KLHL1: variants seen among roughly 807,000 people sequenced by gnomAD.
The protein encoded by KLHL1 is kelch-like protein 1.
KLHL1 carries 47 observed loss-of-function variants against 77.7 expected under a neutral mutation model. The ratio of observed to expected loss-of-function variants is 0.60; its 90% CI spans 0.48 to 0.77. KLHL1 has a LOEUF of 0.77. KLHL1 is among the 30% of genes least tolerant of loss of function. The pLI is 0.00. For synonymous variants in KLHL1, 360 were observed against 325.2 expected, an observed-to-expected ratio of 1.11 and a Z score of -1.15; for missense variants, 925 against 910.8, an observed-to-expected ratio of 1.02 and a Z score of -0.20.
chr13:69,876,040 T>C (rs531600342), intron 5 of KLHL1, among the ~76,000 whole-genome samples: 1 of 152,294 alleles, frequency 6.6e-6, no homozygotes, highest in African/African-American at 2.4e-5. Context: ...CCTTACTCAT[T>C]TGTAAGAAAA....
chr13:69,862,987 ATGT>A (rs1170438074), intron 5 of KLHL1, among the ~76,000 whole-genome samples: 1 of 152,122 alleles, frequency 6.6e-6, no homozygotes, highest in Admixed American at 6.6e-5. Flanking sequence ...AGCAAAAAGT[ATGT>A]TTTTATGTTA....
intron 5 of KLHL1, among the ~76,000 whole-genome samples, chr13:69,851,718 T>C (rs1205226272): frequency 6.6e-6 from 1 of 151,776 alleles, no homozygotes; most frequent in Non-Finnish European, 1.5e-5. Context: ...CCCTGTTCTC[T>C]ATTATAGACC....
intron 1 of KLHL1, 69 bp downstream of exon 1, chr13:70,107,134 C>T: frequency 1.3e-6 from 2 of 1,521,580 alleles, no homozygotes; most frequent in African/African-American, 1.4e-5. Context: ...TTAGTAGCCA[C>T]ATGAGCACAC....
intron 1 of KLHL1, among the ~76,000 whole-genome samples, chr13:70,028,332 C>T (rs1469566729): frequency 6.6e-6 from 1 of 152,102 alleles, no homozygotes; most frequent in Non-Finnish European, 1.5e-5. Context: ...AATATGAAAG[C>T]ACTTATAATT....
chr13:69,848,412 T>A (rs996717162), intron 5 of KLHL1, among the ~76,000 whole-genome samples: 3 of 151,476 alleles, frequency 2.0e-5, no homozygotes, highest in African/African-American at 7.3e-5. Flanking sequence ...GAGTAGATAG[T>A]TCCTCCTCTT....
intron 6 of KLHL1, among the ~76,000 whole-genome samples, chr13:69,797,504 G>A (rs1282362369): frequency 6.6e-6 from 1 of 152,044 alleles, no homozygotes; most frequent in Non-Finnish European, 1.5e-5. Context: ...TTTTAAACCA[G>A]CTTTTAAAAA....
At chr13:69,874,853 G>A (rs1593908480) in intron 5 of KLHL1, among the ~76,000 whole-genome samples, 3 of 152,006 alleles carry the variant, frequency 2.0e-5, no homozygotes, top group Admixed American at 1.3e-4. Context: ...AATGATGTAG[G>A]GCTTTGTAGG....
chr13:69,964,597 A>T (rs1458253654), intron 2 of KLHL1, among the ~76,000 whole-genome samples: 1 of 152,100 alleles, frequency 6.6e-6, no homozygotes, highest in East Asian at 1.9e-4. Flanking sequence ...TCTCTGATAC[A>T]TTCTAGGACT....
chr13:70,068,079 C>T (rs1887052478), intron 1 of KLHL1, among the ~76,000 whole-genome samples: 1 of 151,018 alleles, frequency 6.6e-6, no homozygotes, highest in South Asian at 2.1e-4. Flanking sequence ...CAGTTGCTCA[C>T]GCCTGTAATC....
At chr13:69,773,078 C>A (rs1193112840) in intron 7 of KLHL1, among the ~76,000 whole-genome samples, 1 of 151,930 alleles carries the variant, frequency 6.6e-6, no homozygotes, top group Non-Finnish European at 1.5e-5. Flanking sequence ...AAAAATAAAA[C>A]CCTAAGGTTT....
intron 6 of KLHL1, among the ~76,000 whole-genome samples, chr13:69,825,990 A>C (rs945236670): frequency 9.3e-3 from 5 of 540 alleles, no homozygotes; most frequent in African/African-American, 0.011. Flanking sequence ...TTACTTACAG[A>C]AAAAAAAAGA....
intron 6 of KLHL1, among the ~76,000 whole-genome samples, chr13:69,820,354 C>T (rs1878285207): frequency 6.6e-6 from 1 of 152,062 alleles, no homozygotes; most frequent in Non-Finnish European, 1.5e-5. Context: ...CTCTTCAGTC[C>T]ACAAGTCATT....
At chr13:70,037,342 C>T (rs1023364532) in intron 1 of KLHL1, among the ~76,000 whole-genome samples, 4 of 152,008 alleles carry the variant, frequency 2.6e-5, no homozygotes, top group Non-Finnish European at 5.9e-5. Context: ...TCTATAAGCA[C>T]GTTGAACATA....
In KLHL1 at chr13:70,076,422, A is replaced by G. The variant is rs1231011636; in HGVS notation, c.497+30781T>C. ...TTTTTAATGGTTTTGGATCAACTGG[A>G]TTGCCATATGCAGAAAAAAAAAATC... On this transcript the variant is annotated intron_variant, in intron 1 of 10. Transcript: ENST00000377844. 6.7e-5 allele frequency among the ~76,000 whole-genome samples: 10 copies of G among 149,076 alleles called. No homozygotes were observed. The South Asian group carries it at 1.7e-3, about 25-fold the overall frequency.
chr13:69,803,443 G>T (rs1430937351), intron 6 of KLHL1, among the ~76,000 whole-genome samples: 1 of 152,146 alleles, frequency 6.6e-6, no homozygotes, highest in Non-Finnish European at 1.5e-5. Flanking sequence ...TGTAAAAAGA[G>T]TTAATTGCAA....
chr13:69,703,953 G>A (rs970873235), intron 10 of KLHL1, among the ~76,000 whole-genome samples: 7 of 151,586 alleles, frequency 4.6e-5, no homozygotes, highest in African/African-American at 1.4e-4. Context: ...TTTAAGGAAC[G>A]CATGACTGTA....
At chr13:69,761,993 C>T (rs1254227563) in intron 7 of KLHL1, among the ~76,000 whole-genome samples, 1 of 152,114 alleles carries the variant, frequency 6.6e-6, no homozygotes, top group East Asian at 1.9e-4. Context: ...ATTTCTATTA[C>T]CATTTGATCG....
At chr13:70,077,169 C>T (rs1196736148) in intron 1 of KLHL1, among the ~76,000 whole-genome samples, 1 of 151,868 alleles carries the variant, frequency 6.6e-6, no homozygotes, top group Non-Finnish European at 1.5e-5. Flanking sequence ...CACATTTTTG[C>T]ACAAGTTTAT....
intron 1 of KLHL1, among the ~76,000 whole-genome samples, chr13:70,089,610 GGATA>G (rs537201866): frequency 4.0e-5 from 6 of 151,806 alleles, no homozygotes; most frequent in Non-Finnish European, 8.8e-5. Flanking sequence ...TTTTATAGAT[GGATA>G]GATATTTAAG....
Sources: gnomAD v4.1 joint callset for allele counts (sites outside exome capture counted in the v4.1 genomes callset) on GRCh38, gnomAD v4.1.1 for gene constraint, MANE v1.5 for transcripts, NCBI Gene and HGNC (gene_info 2026-07-23, HGNC 2026-07-21) for gene names.